The following XIRP2 variants were observed in gnomAD, a reference collection of about 807,000 sequenced individuals.
The protein encoded by XIRP2 is xin actin-binding repeat-containing protein 2.
Under a neutral mutation model 277.0 loss-of-function variants are expected in XIRP2, and 236 were observed. The observed-to-expected ratio is 0.85, with a 90% CI of 0.77 to 0.95. The LOEUF is 0.95. Among genes scored for constraint, XIRP2 ranks in the 40% least tolerant of loss-of-function variants. The pLI, the probability that XIRP2 is intolerant of heterozygous loss-of-function variation, is 0.00. For missense variants in XIRP2, 4,640 were observed against 4,157.5 expected (o/e 1.12, Z -3.19); for synonymous variants, 1,490 against 1,416.5 (o/e 1.05, Z -1.17).
In XIRP2 at chr2:167,243,136, G is replaced by C. The variant is rs1226927305; in HGVS notation, c.1744G>C (p.Glu582Gln). The stretch of plus-strand genomic sequence containing the variant: ...GGTGCAGTCCATTAGATGGATCTTT[G>C]AGAATCAACCATTGGATTCCATCAA... ...GEVQSIRWIF[E>Q]NQPLDSINNG... Residue 582 changes from glutamate (E) to glutamine (Q), a missense_variant, in exon 9 of 11, where the codon GAG becomes CAG. Glu to Gln is a conservative substitution (Grantham distance 29). Coordinates refer to ENST00000409195, the MANE Select transcript of XIRP2 (RefSeq NM_152381.6). 1 of 1,613,968 alleles carries C rather than the reference G, an allele frequency of 6.2e-7. No homozygotes were observed.
chr2:167,064,062 C>G (rs1428045850), intron 2 of XIRP2, among the ~76,000 whole-genome samples: 1 of 151,492 alleles, frequency 6.6e-6, no homozygotes, highest in Non-Finnish European at 1.5e-5. Flanking sequence ...TATGTTACAA[C>G]TAGTTTTATA....
intron 2 of XIRP2, among the ~76,000 whole-genome samples, chr2:167,079,609 C>G (rs1343306448): frequency 6.6e-6 from 1 of 151,992 alleles, no homozygotes; most frequent in East Asian, 1.9e-4. Flanking sequence ...CTCTCAACTT[C>G]CTAGTTTATG....
intron 5 of XIRP2, among the ~76,000 whole-genome samples, chr2:167,230,651 G>A (rs977824172): frequency 2.0e-5 from 3 of 151,970 alleles, no homozygotes; most frequent in South Asian, 2.1e-4. Context: ...AACTTGCATA[G>A]CATTCTTCCC....
At chr2:167,199,431 G>C (rs1693615567) in intron 3 of XIRP2, among the ~76,000 whole-genome samples, 1 of 152,110 alleles carries the variant, frequency 6.6e-6, no homozygotes, top group South Asian at 2.1e-4. Context: ...AGCATACTTG[G>C]AATTAAACAA....
intron 2 of XIRP2, among the ~76,000 whole-genome samples, chr2:166,995,046 T>G (rs1338238698): frequency 6.6e-6 from 1 of 152,044 alleles, no homozygotes; most frequent in African/African-American, 2.4e-5. Context: ...CTCGCCCAGC[T>G]AATTTTTGTA....
intron 2 of XIRP2, among the ~76,000 whole-genome samples, chr2:166,934,151 T>C (rs968359079): frequency 6.7e-6 from 1 of 149,808 alleles, no homozygotes; most frequent in African/African-American, 2.5e-5. Context: ...ATTGCTTATG[T>C]TATATTGCAT....
intron 4 of XIRP2, 40 bp from the exon 5 acceptor site, chr2:167,218,126 G>T: frequency 3.4e-6 from 5 of 1,473,390 alleles, no homozygotes; most frequent in Non-Finnish European, 4.5e-6. Flanking sequence ...ATCCTGCACA[G>T]CTGTAAAGCT....
chr2:167,029,619 T>G (rs1301778163), intron 2 of XIRP2, among the ~76,000 whole-genome samples: 2 of 152,138 alleles, frequency 1.3e-5, no homozygotes, highest in Non-Finnish European at 2.9e-5. Context: ...AGTATTTTAT[T>G]GAGAATTTTT....
At chr2:166,961,452 T>C (rs1212592097) in intron 2 of XIRP2, among the ~76,000 whole-genome samples, 1 of 151,764 alleles carries the variant, frequency 6.6e-6, no homozygotes, top group Non-Finnish European at 1.5e-5. Flanking sequence ...AAAAAAAGAA[T>C]AACTTCAAAT....
intron 2 of XIRP2, among the ~76,000 whole-genome samples, chr2:167,064,066 T>C (rs913446304): frequency 1.3e-5 from 2 of 151,742 alleles, no homozygotes; most frequent in African/African-American, 4.8e-5. Flanking sequence ...TTACAACTAG[T>C]TTTATAAAGT....
At chr2:166,979,143 G>C (rs1686793531) in intron 2 of XIRP2, among the ~76,000 whole-genome samples, 1 of 151,886 alleles carries the variant, frequency 6.6e-6, no homozygotes, top group African/African-American at 2.4e-5. Flanking sequence ...TTTTTTCATG[G>C]AACATGGTTC....
chr2:167,017,767 C>G (rs576119460), intron 2 of XIRP2, among the ~76,000 whole-genome samples: 6 of 152,032 alleles, frequency 3.9e-5, no homozygotes, highest in Non-Finnish European at 7.4e-5. Flanking sequence ...TGCCATCTTA[C>G]TAGGAAAAGG....
intron 2 of XIRP2, among the ~76,000 whole-genome samples, chr2:166,950,691 C>T (rs1317560530): frequency 6.6e-6 from 1 of 151,936 alleles, no homozygotes; most frequent in Non-Finnish European, 1.5e-5. Flanking sequence ...AAAATAAGAG[C>T]TTGTTGCTCT....
intron 2 of XIRP2, among the ~76,000 whole-genome samples, chr2:167,103,911 C>T (rs1690549314): frequency 6.6e-6 from 1 of 152,146 alleles, no homozygotes; most frequent in African/African-American, 2.4e-5. Flanking sequence ...TTATTACCAG[C>T]ACCAGTGATT....
intron 2 of XIRP2, among the ~76,000 whole-genome samples, chr2:167,056,497 A>G (rs544407226): frequency 3.3e-5 from 5 of 152,040 alleles, no homozygotes; most frequent in Non-Finnish European, 7.4e-5. Context: ...AGTTTATGCA[A>G]ACTCAGTGTT....
chr2:166,894,029 T>C (rs191363417), intron 1 of XIRP2, among the ~76,000 whole-genome samples: 1 of 152,284 alleles, frequency 6.6e-6, no homozygotes, highest in African/African-American at 2.4e-5. Context: ...TAGTCAAAGA[T>C]AATTTTTCTC....
Position 167,087,787 on chromosome 2 carries a change from G to A in XIRP2, c.409-48122G>A, listed in dbSNP as rs1035890712. ...CGCTTCCCAAGTGAGGCAATGCCTC[G>A]CCCTGCTTCGGCTCGCGCACGGTGC... On this transcript the variant is annotated intron_variant, in intron 2 of 10. Coordinates refer to ENST00000409195, the MANE Select transcript of XIRP2 (RefSeq NM_152381.6). Among the ~76,000 whole-genome samples the A allele has an allele frequency of 2.0e-3, 297 of 151,742 alleles. 1 individual carries two copies. Among genetic ancestry groups the A allele is most frequent in the Non-Finnish European group, 3.2e-3 (219 of 68,016 alleles).
intron 2 of XIRP2, among the ~76,000 whole-genome samples, chr2:166,981,475 A>T (rs1442428865): frequency 6.6e-6 from 1 of 151,096 alleles, no homozygotes; most frequent in Non-Finnish European, 1.5e-5. Flanking sequence ...AGGTTGGAGT[A>T]CAGTGGCATG....
chr2:167,032,410 C>T lies in XIRP2; in HGVS notation c.409-103499C>T, dbSNP rs1175703532. Among the ~76,000 whole-genome samples, 3 of 152,136 alleles carry T rather than the reference C, an allele frequency of 2.0e-5. 1 individual carries two copies. The highest frequency in any genetic ancestry group is 7.2e-5 in the African/African-American group (3 of 41,438). On this transcript the variant is annotated intron_variant, in intron 2 of 10. Transcript: ENST00000409195. ...GTGGGCAAAGACTTCATGACTAAAA[C>T]ACCAAAAGCAACTGCAGAAAAAGCC...
Sources: allele counts gnomAD v4.1 joint callset (sites outside exome capture counted in the v4.1 genomes callset), GRCh38; gene constraint gnomAD v4.1.1; transcripts MANE v1.5; gene names NCBI Gene and HGNC (gene_info 2026-07-23, HGNC 2026-07-21).